FARP2: variants seen among roughly 807,000 people sequenced by gnomAD.
FARP2 encodes the protein FERM, ARH/RhoGEF and pleckstrin domain protein 2.
Under a neutral mutation model 130.5 loss-of-function variants are expected in FARP2, and 111 were observed. The observed-to-expected ratio is 0.85, with a 90% CI of 0.73 to 1.00. The LOEUF (loss-of-function observed/expected upper bound fraction) is 1.00, where lower values mean the gene tolerates loss of function less well. FARP2 is among the 50% of genes least tolerant of loss of function. The pLI, the probability that FARP2 is intolerant of heterozygous loss-of-function variation, is 0.00. For synonymous variants in FARP2, 504 were observed against 516.9 expected, an observed-to-expected ratio of 0.98 and a Z score of 0.34; for missense variants, 1,385 against 1,346.3, an observed-to-expected ratio of 1.03 and a Z score of -0.45.
Position 241,468,209 on chromosome 2 carries a change from A to G in FARP2, c.1963A>G (p.Lys655Glu), listed in dbSNP as rs754554546. ...ACTGGAAAAGGCTACCAAACGCTGT[A>G]AGAAGTTGGAGGCAGTGTACAAGGA... ...TELEKATKRC[K>E]KLEAVYKEFE... The change falls in exon 18 of 27, where the codon AAG becomes GAG. Residue 655 changes from lysine to glutamate, a missense_variant. Coordinates refer to ENST00000264042, the MANE Select transcript of FARP2 (RefSeq NM_014808.4). 33 of 1,614,174 alleles carry G rather than the reference A, an allele frequency of 2.0e-5. No homozygotes were observed. In the South Asian group the frequency reaches 2.7e-4, roughly 13 times the overall value.
intron 2 of FARP2, among the ~76,000 whole-genome samples, chr2:241,375,343 G>A (rs998494292): frequency 6.6e-6 from 1 of 151,818 alleles, no homozygotes; most frequent in African/African-American, 2.4e-5. Flanking sequence ...TGTAATAGGT[G>A]CAAAATTTAA....
intron 2 of FARP2, among the ~76,000 whole-genome samples, chr2:241,374,472 T>C (rs2061490948): frequency 6.6e-6 from 1 of 152,222 alleles, no homozygotes; most frequent in African/African-American, 2.4e-5. Flanking sequence ...GCAGGAGGTT[T>C]ATTTACACTT....
intron 14 of FARP2, among the ~76,000 whole-genome samples, chr2:241,462,080 C>T (rs2064036091): frequency 6.6e-6 from 1 of 152,180 alleles, no homozygotes; most frequent in South Asian, 2.1e-4. Flanking sequence ...GGGGTATGTT[C>T]CACGTCTGCA....
In FARP2 at chr2:241,482,324, G is replaced by C. The variant is rs1249666169; in HGVS notation, c.2263-1141G>C. ...TGGGTCTGGGACGCACATCCTGTGA[G>C]GGAGCTCTGGAGAGGGGGCTGCTGC... is the stretch of plus-strand genomic sequence containing the variant. On this transcript the variant is annotated intron_variant, in intron 19 of 26. Transcript: ENST00000264042. This position sits in a 1 kb window ranked among gnomAD's most constrained non-coding sequence, Gnocchi z 4.6. Among the ~76,000 whole-genome samples, 1 of 152,214 alleles carries C rather than the reference G, an allele frequency of 6.6e-6. No homozygotes were observed. Among genetic ancestry groups the C allele is most frequent in the Non-Finnish European group, 1.5e-5 (1 of 68,040 alleles).
At chr2:241,457,056 C>A in intron 14 of FARP2, 134 bp downstream of exon 14, 1 of 758,994 alleles carries the variant, frequency 1.3e-6, no homozygotes, top group Non-Finnish European at 2.0e-6. Context: ...GCCTTACCAG[C>A]CTCCTGAGCA....
intron 17 of FARP2, chr2:241,466,136 T>C: frequency 9.4e-7 from 1 of 1,058,912 alleles, no homozygotes; most frequent in South Asian, 3.2e-5. Context: ...CAAAACCAAA[T>C]CTGGGTGTCA....
At position 241,469,732 on chromosome 2, in the gene FARP2, C is replaced by T. The variant is rs572386354; in HGVS notation, c.2131+1355C>T. On this transcript the variant is annotated intron_variant, in intron 18 of 26. Coordinates refer to ENST00000264042, the MANE Select transcript of FARP2 (RefSeq NM_014808.4). Reference sequence around the variant, plus strand: ...GCTGGAGCAGAGGTTGGCCTGGGCCCGGGCCACCAGGGAAGCCATGCCATG... The same window carrying T: ...GCTGGAGCAGAGGTTGGCCTGGGCCTGGGCCACCAGGGAAGCCATGCCATG... Among the ~76,000 whole-genome samples the T allele has an allele frequency of 3.9e-5, 6 of 152,312 alleles. No homozygotes were observed. In the East Asian group the frequency reaches 9.6e-4, roughly 24 times the overall value.
At chr2:241,378,416 A>ATTTTTT (rs10692211) in intron 2 of FARP2, among the ~76,000 whole-genome samples, 3 of 107,700 alleles carry the variant, frequency 2.8e-5, no homozygotes, top group Non-Finnish European at 1.8e-5. Context: ...TGCCTGGCCT[A>ATTTTTT]TTTTTTTTTT....
chr2:241,444,134 T>C (rs554082812), intron 13 of FARP2: 1 of 152,126 alleles, frequency 6.6e-6, no homozygotes, highest in East Asian at 2.0e-4. Flanking sequence ...ATAGTTGTTA[T>C]TCATTCTGTC....
At chr2:241,474,243 T>A (rs372368201) in intron 18 of FARP2, among the ~76,000 whole-genome samples, 32 of 129,756 alleles carry the variant, frequency 2.5e-4, no homozygotes, top group African/African-American at 8.5e-4. Context: ...GAGGCGGAGC[T>A]GAGCTTGCAG....
rs564325834 is a variant in FARP2, at chr2:241,368,308, G to A, written c.-24-4776G>A. On this transcript the variant is annotated intron_variant, in intron 1 of 26. Coordinates refer to ENST00000264042, the MANE Select transcript of FARP2 (RefSeq NM_014808.4). ...CTGAGTCCCCCACAGATTCTTGGTTGTTTACTTTGCCACTTTCCTCTGGGT... is the reference window on the plus strand; with the variant it reads ...CTGAGTCCCCCACAGATTCTTGGTTATTTACTTTGCCACTTTCCTCTGGGT... 2.6e-5 allele frequency among the ~76,000 whole-genome samples: 4 copies of A among 152,174 alleles called. No individual in the cohort carries two copies. The South Asian group carries it at 8.3e-4, about 32-fold the overall frequency.
At chr2:241,442,852 G>A (rs959459044) in intron 13 of FARP2, 4 of 250,702 alleles carry the variant, frequency 1.6e-5, no homozygotes, top group African/African-American at 6.9e-5. Flanking sequence ...TATACATTCT[G>A]AATGTTACAC....
At chr2:241,429,224 A>G (rs1441741947) in intron 8 of FARP2, among the ~76,000 whole-genome samples, 1 of 152,206 alleles carries the variant, frequency 6.6e-6, no homozygotes, top group Non-Finnish European at 1.5e-5. Context: ...TTTACCTGAG[A>G]TGCCCGTCTG....
At chr2:241,476,135 G>C in intron 19 of FARP2, 148 bp downstream of exon 19, 1 of 635,038 alleles carries the variant, frequency 1.6e-6, no homozygotes, top group Non-Finnish European at 2.6e-6. Flanking sequence ...TACTTTGGGA[G>C]GCTGAGGTGG....
Position 241,494,157 on chromosome 2 carries a change from C to A in FARP2, c.*32C>A. ...ACCTGCCCAGGTTTGGACACAACTACAAAGAACAGCAGGACACAGAGGTGA... is the reference window on the plus strand; with the variant it reads ...ACCTGCCCAGGTTTGGACACAACTAAAAAGAACAGCAGGACACAGAGGTGA... On this transcript the variant is annotated 3_prime_UTR_variant, in exon 27 of 27. Coordinates refer to ENST00000264042, the MANE Select transcript of FARP2 (RefSeq NM_014808.4). This position sits in a 1 kb window ranked among gnomAD's most constrained non-coding sequence, Gnocchi z 4.9. 7.5e-7 allele frequency: 1 copy of A among 1,328,694 alleles called. No individual in the cohort carries two copies. Among genetic ancestry groups the A allele is most frequent in the Non-Finnish European group, 1.0e-6 (1 of 987,166 alleles). 82.3% of individuals were successfully genotyped at this position (1,328,694 alleles called of 1,614,324 possible). A position where few individuals can be genotyped will look rare whatever the true frequency, so the allele number is the denominator to read the frequency against.
Position 241,466,685 on chromosome 2 carries a change from AACC to A in FARP2, c.1894-1451_1894-1449del, listed in dbSNP as rs2064180189. 1.0e-5 allele frequency: 6 copies of A among 596,128 alleles called. No homozygotes were observed. In the East Asian group the frequency reaches 1.6e-3, roughly 155 times the overall value. 36.9% of individuals were successfully genotyped at this position (596,128 alleles called of 1,614,324 possible). ...CCAGCCCCGCCTTCACTCCCCTTCC[AACC>A]ACCCCCCCCCCCACCACCACCACCC... On this transcript the variant is annotated intron_variant, in intron 17 of 26. Coordinates refer to ENST00000264042, the MANE Select transcript of FARP2 (RefSeq NM_014808.4).
chr2:241,442,274 G>T (rs940132829), intron 13 of FARP2: 1 of 456,576 alleles, frequency 2.2e-6, no homozygotes, highest in Non-Finnish European at 4.4e-6. Flanking sequence ...TACTCAGTCC[G>T]CTCTGAGTCC....
intron 2 of FARP2, among the ~76,000 whole-genome samples, chr2:241,375,305 A>G (rs934669515): frequency 6.6e-6 from 1 of 152,198 alleles, no homozygotes; most frequent in African/African-American, 2.4e-5. Context: ...GTCATCCTCC[A>G]ATAAACACAT....
intron 2 of FARP2, among the ~76,000 whole-genome samples, chr2:241,399,631 G>A (rs1490614165): frequency 6.6e-6 from 1 of 152,052 alleles, no homozygotes; most frequent in Non-Finnish European, 1.5e-5. Context: ...TTTTTGTATT[G>A]CAACTATCTT....
Sources: allele counts gnomAD v4.1 joint callset (sites outside exome capture counted in the v4.1 genomes callset), GRCh38; gene constraint gnomAD v4.1.1; non-coding constraint Gnocchi (gnomAD v3.1); transcripts MANE v1.5; gene names NCBI Gene and HGNC (gene_info 2026-07-23, HGNC 2026-07-21).